CDH13: variants seen among roughly 807,000 people sequenced by gnomAD.
CDH13 encodes the protein cadherin-13.
CDH13 carries 24 observed loss-of-function variants against 63.8 expected under a neutral mutation model. The ratio of observed to expected loss-of-function variants is 0.38; its 90% CI spans 0.27 to 0.53. The LOEUF is 0.53. Among genes scored for constraint, CDH13 ranks in the 20% least tolerant of loss-of-function variants. The probability of loss-of-function intolerance (pLI) is 0.85; values close to 1 mark genes in which losing one functional copy is unlikely to be tolerated. For synonymous variants in CDH13, 503 were observed against 355.3 expected (o/e 1.42, Z -4.67); for missense variants, 1,049 against 903.1 (o/e 1.16, Z -2.07).
At chr16:82,801,398 C>G (rs971679399) in intron 1 of CDH13, among the ~76,000 whole-genome samples, 1 of 152,180 alleles carries the variant, frequency 6.6e-6, no homozygotes, top group South Asian at 2.1e-4. Context: ...AGGAAAAATA[C>G]TCAGTCTAAT....
At chr16:83,698,170 C>A (rs1339019365) in intron 10 of CDH13, among the ~76,000 whole-genome samples, 1 of 152,214 alleles carries the variant, frequency 6.6e-6, no homozygotes, top group East Asian at 1.9e-4. Context: ...AGTTTTTAAC[C>A]AGGCTGTACT....
intron 6 of CDH13, among the ~76,000 whole-genome samples, chr16:83,366,899 A>G (rs1440265093): frequency 6.6e-6 from 1 of 152,176 alleles, no homozygotes; most frequent in Non-Finnish European, 1.5e-5. Flanking sequence ...TTCAGCCAAC[A>G]GTATGTTTAA....
intron 9 of CDH13, among the ~76,000 whole-genome samples, chr16:83,675,106 G>A (rs1327293595): frequency 6.6e-6 from 1 of 152,170 alleles, no homozygotes; most frequent in Non-Finnish European, 1.5e-5. Flanking sequence ...CCTCTCTGTA[G>A]CTTCCATCAG....
At chr16:83,044,913 A>C (rs1317841317) in intron 3 of CDH13, among the ~76,000 whole-genome samples, 2 of 152,194 alleles carry the variant, frequency 1.3e-5, no homozygotes, top group African/African-American at 4.8e-5. Context: ...GGATAGAACA[A>C]GATAATGTAA....
chr16:82,821,449 G>A (rs1210275003), intron 1 of CDH13, among the ~76,000 whole-genome samples: 25 of 152,264 alleles, frequency 1.6e-4, no homozygotes, highest in Non-Finnish European at 2.9e-5. Context: ...GGTGAGCTCT[G>A]TGGGGCCTTG....
At chr16:83,452,575 A>T (rs933121319) in intron 6 of CDH13, among the ~76,000 whole-genome samples, 1 of 152,042 alleles carries the variant, frequency 6.6e-6, no homozygotes, top group Non-Finnish European at 1.5e-5. Flanking sequence ...TGGGGATGGT[A>T]CTTGTTTCCT....
chr16:82,904,648 T>C (rs59710406), intron 2 of CDH13, among the ~76,000 whole-genome samples: 29,012 of 152,132 alleles, frequency 0.19, 3,652 homozygotes, highest in African/African-American at 0.35. Context: ...TCAAGATACC[T>C]GGGTGGGCAT....
intron 4 of CDH13, among the ~76,000 whole-genome samples, chr16:83,138,524 G>A (rs1355485577): frequency 2.0e-5 from 3 of 152,186 alleles, no homozygotes; most frequent in Non-Finnish European, 2.9e-5. Context: ...CGAGAGGGAC[G>A]GTGGTCTGTC....
At chr16:83,696,095 T>A (rs1481039850) in intron 10 of CDH13, among the ~76,000 whole-genome samples, 1 of 152,056 alleles carries the variant, frequency 6.6e-6, no homozygotes, top group East Asian at 1.9e-4. Context: ...TTCGCCATGT[T>A]GCCCAGGTGG....
Position 82,948,107 on chromosome 16 carries a change from C to T in CDH13, c.158-83903C>T, listed in dbSNP as rs76392676. On this transcript the variant is annotated intron_variant, in intron 2 of 13. Coordinates refer to ENST00000567109, the MANE Select transcript of CDH13 (RefSeq NM_001257.5). ...ATTGTCATACAATGCTTAGTAAAGC[C>T]GGTAACTCTAACGTTATTCTTCTAT... 6.8e-4 allele frequency among the ~76,000 whole-genome samples: 104 copies of T among 152,162 alleles called. 1 individual carries two copies. The East Asian group carries it at 8.1e-3, about 12-fold the overall frequency.
intron 1 of CDH13, among the ~76,000 whole-genome samples, chr16:82,635,924 T>TGAA (rs1908600125): frequency 6.6e-6 from 1 of 152,050 alleles, no homozygotes; most frequent in African/African-American, 2.4e-5. Context: ...GCTTGCTGTG[T>TGAA]GAAGACGTGC....
At chr16:82,751,973 G>C (rs1459810657) in intron 1 of CDH13, among the ~76,000 whole-genome samples, 2 of 152,194 alleles carry the variant, frequency 1.3e-5, no homozygotes, top group African/African-American at 2.4e-5. Flanking sequence ...GAAACATACA[G>C]GCTAAACGCC....
At chr16:83,530,639 C>T (rs1389441497) in intron 7 of CDH13, among the ~76,000 whole-genome samples, 2 of 152,210 alleles carry the variant, frequency 1.3e-5, no homozygotes, top group African/African-American at 4.8e-5. Flanking sequence ...TTTCAATCTG[C>T]CCATCATCTT....
At chr16:83,126,957 G>A (rs977422207) in intron 4 of CDH13, among the ~76,000 whole-genome samples, 9 of 152,292 alleles carry the variant, frequency 5.9e-5, no homozygotes, top group African/African-American at 2.2e-4. Flanking sequence ...GCAAATGGCA[G>A]GATGAAGGAG....
At chr16:83,657,116 G>T (rs1344132756) in intron 8 of CDH13, among the ~76,000 whole-genome samples, 1 of 152,182 alleles carries the variant, frequency 6.6e-6, no homozygotes, top group African/African-American at 2.4e-5. Context: ...CATATGTAAT[G>T]GCAAAATGAA....
chr16:82,901,974 A>G (rs2041486444), intron 2 of CDH13, among the ~76,000 whole-genome samples: 1 of 152,226 alleles, frequency 6.6e-6, no homozygotes, highest in Non-Finnish European at 1.5e-5. Flanking sequence ...TTTCTCTGAG[A>G]TAAAGCTGAG....
chr16:83,391,395 G>A (rs1203064470), intron 6 of CDH13, among the ~76,000 whole-genome samples: 3 of 151,848 alleles, frequency 2.0e-5, no homozygotes, highest in African/African-American at 4.8e-5. Flanking sequence ...TCGTAGAGAC[G>A]GGGTTTCACC....
chr16:83,344,311 C>A (rs1895534), intron 5 of CDH13, among the ~76,000 whole-genome samples: 33,692 of 152,104 alleles, frequency 0.22, 4,463 homozygotes, highest in South Asian at 0.33. Context: ...GTGAAATCCT[C>A]CGAAATTGTA....
intron 1 of CDH13, among the ~76,000 whole-genome samples, chr16:82,792,427 C>A (rs1411925637): frequency 6.6e-6 from 1 of 152,188 alleles, no homozygotes; most frequent in Non-Finnish European, 1.5e-5. Context: ...AAGATCAATT[C>A]ATTACCCAGA....
Sources: allele counts gnomAD v4.1 joint callset (sites outside exome capture counted in the v4.1 genomes callset), GRCh38; gene constraint gnomAD v4.1.1; transcripts MANE v1.5; gene names NCBI Gene and HGNC (gene_info 2026-07-23, HGNC 2026-07-21).